BASP1: variants seen among roughly 807,000 people sequenced by gnomAD.
The protein encoded by BASP1 is brain acid soluble protein 1.
In BASP1, 1 loss-of-function variant was observed where a neutral mutation model predicts 2.2. The ratio of observed to expected loss-of-function variants is 0.46; its 90% CI spans 0.16 to 2.17. The LOEUF is 2.17. Ranked by LOEUF, BASP1 falls within the 30% of genes most tolerant of loss-of-function variation. BASP1 has a pLI of 0.27. For missense variants in BASP1, 352 were observed against 327.2 expected (o/e 1.08, Z -0.58); for synonymous variants, 187 against 154.2 (o/e 1.21, Z -1.58).
rs1185774625 is a variant in BASP1 at position 17,275,567 on chromosome 5, C to T, written c.351C>T (p.Gly117=). Residue 117 remains glycine (G), a synonymous_variant, in exon 2 of 2, where the codon GGC becomes GGT. Coordinates refer to ENST00000322611, the MANE Select transcript of BASP1 (RefSeq NM_006317.5). This position sits in a 1 kb window ranked among gnomAD's most constrained non-coding sequence, Gnocchi z 5.3. ...EQAAPGPAAG[G]EAPKAAEAAA... ...CGGCCCCCGGCCCCGCTGCGGGCGGCGAGGCCCCCAAAGCTGCTGAGGCCG... is the reference window on the plus strand; with the variant it reads ...CGGCCCCCGGCCCCGCTGCGGGCGGTGAGGCCCCCAAAGCTGCTGAGGCCG... 6 of 1,394,388 alleles carry T rather than the reference C, an allele frequency of 4.3e-6. No homozygotes were observed. Among genetic ancestry groups the T allele is most frequent in the Non-Finnish European group, 5.6e-6 (6 of 1,078,588 alleles). 86.4% of individuals were successfully genotyped at this position (1,394,388 alleles called of 1,614,324 possible).
In BASP1 at chr5:17,276,514, A is replaced by AT. The variant is rs1323878550; in HGVS notation, c.*619dup. 1 of 164,882 alleles carries AT rather than the reference A, an allele frequency of 6.1e-6. No homozygotes were observed. The highest frequency in any genetic ancestry group is 2.0e-4 in the East Asian group (1 of 5,080). 10.2% of individuals were successfully genotyped at this position (164,882 alleles called of 1,614,324 possible). A position where few individuals can be genotyped will look rare whatever the true frequency, so the allele number is the denominator to read the frequency against. ...AATCCTCCATTCTTCCTCTCCAGAT[A>AT]TTTTTGGGAGTGACAAACATTCTCT... is the stretch of plus-strand genomic sequence containing the variant. On this transcript the variant is annotated 3_prime_UTR_variant, in exon 2 of 2. Transcript: ENST00000322611.
At position 17,223,874 on chromosome 5, in the gene BASP1, T is replaced by C. The variant is rs1048337375; in HGVS notation, c.-10+6064T>C. 3.9e-5 allele frequency among the ~76,000 whole-genome samples: 6 copies of C among 152,334 alleles called. No homozygotes were observed. The South Asian group carries it at 6.2e-4, about 16-fold the overall frequency. On this transcript the variant is annotated intron_variant, in intron 1 of 1. Transcript: ENST00000322611. ...GATAAGCCAACTTAGGTATTTTACA[T>C]TCCATATTATTCCCACTACCTCCAC... is the stretch of plus-strand genomic sequence containing the variant.
intron 1 of BASP1, among the ~76,000 whole-genome samples, chr5:17,218,474 C>T (rs1354033993): frequency 6.6e-6 from 1 of 152,136 alleles, no homozygotes; most frequent in African/African-American, 2.4e-5. Context: ...AGATCGGAGC[C>T]CCAGCCTCGT....
intron 1 of BASP1, among the ~76,000 whole-genome samples, chr5:17,220,280 C>A (rs1739371297): frequency 6.6e-6 from 1 of 152,020 alleles, no homozygotes; most frequent in South Asian, 2.1e-4. Flanking sequence ...TGGATTGTAC[C>A]CTCTGTACTC....
Position 17,276,062 on chromosome 5 carries a change from A to C in BASP1, c.*162A>C. The C allele has an allele frequency of 3.1e-6, 1 of 320,864 alleles. No homozygotes were observed. The allele number at this position is 320,864 out of a possible 1,614,324, so 19.9% of individuals were successfully genotyped here. On this transcript the variant is annotated 3_prime_UTR_variant, in exon 2 of 2. Transcript: ENST00000322611. Reference sequence around the variant, plus strand: ...CTTGTTTCAAATTGGAAGTAATGATATGTATTGCCCAAGGAAAAATACAGG... The same window carrying C: ...CTTGTTTCAAATTGGAAGTAATGATCTGTATTGCCCAAGGAAAAATACAGG...
At chr5:17,270,481 T>G (rs560890212) in intron 1 of BASP1, among the ~76,000 whole-genome samples, 9 of 152,362 alleles carry the variant, frequency 5.9e-5, no homozygotes, top group African/African-American at 2.2e-4. Context: ...AGCGAAGAAG[T>G]AGAGATTTTA....
At chr5:17,244,182 G>A (rs1739930284) in intron 1 of BASP1, among the ~76,000 whole-genome samples, 1 of 152,132 alleles carries the variant, frequency 6.6e-6, no homozygotes, top group South Asian at 2.1e-4. Context: ...TAAGTGAAAG[G>A]TGGCTTTAAC....
rs1739741695 is a variant in BASP1, at chr5:17,236,191, G to A, written c.-10+18381G>A. Among the ~76,000 whole-genome samples, 1 of 152,180 alleles carries A rather than the reference G, an allele frequency of 6.6e-6. No homozygotes were observed. Among genetic ancestry groups the A allele is most frequent in the African/African-American group, 2.4e-5 (1 of 41,442 alleles). ...TACCTTGGGGGAGAAAAGCAAAAAT[G>A]ATTTCTTATTACACGTATTTAAACC... is the stretch of plus-strand genomic sequence containing the variant. On this transcript the variant is annotated intron_variant, in intron 1 of 1. Coordinates refer to ENST00000322611, the MANE Select transcript of BASP1 (RefSeq NM_006317.5). The surrounding 1 kb of genome is among the most constrained non-coding windows in gnomAD (Gnocchi z 4.0).
intron 1 of BASP1, among the ~76,000 whole-genome samples, chr5:17,273,246 T>C (rs1347152183): frequency 3.9e-5 from 6 of 152,246 alleles, no homozygotes; most frequent in Non-Finnish European, 8.8e-5. Context: ...TATTTTCATG[T>C]ACTGCTCTGT....
chr5:17,247,030 T>A (rs1251111958), intron 1 of BASP1, among the ~76,000 whole-genome samples: 2 of 151,754 alleles, frequency 1.3e-5, no homozygotes, highest in African/African-American at 4.9e-5. Context: ...CTACAAAAAA[T>A]ACAAAAAATA....
chr5:17,233,805 G>C, intron 1 of BASP1, among the ~76,000 whole-genome samples: 1 of 150,726 alleles, frequency 6.6e-6, no homozygotes, highest in Admixed American at 6.6e-5. Flanking sequence ...ATTTGCTAGT[G>C]ATGGTGATGG....
At chr5:17,249,623 G>T (rs992189726) in intron 1 of BASP1, among the ~76,000 whole-genome samples, 6 of 151,930 alleles carry the variant, frequency 3.9e-5, no homozygotes, top group Non-Finnish European at 8.8e-5. Context: ...AAATAAAATA[G>T]TGCCACCAAA....
intron 1 of BASP1, among the ~76,000 whole-genome samples, chr5:17,274,735 A>C (rs1740593209): frequency 4.6e-5 from 7 of 152,192 alleles, no homozygotes; most frequent in Admixed American, 4.6e-4. Context: ...TGAGCTCCTT[A>C]ATTTCTTTTC....
intron 1 of BASP1, among the ~76,000 whole-genome samples, chr5:17,237,210 G>A (rs997625059): frequency 1.3e-5 from 2 of 152,168 alleles, no homozygotes; most frequent in Non-Finnish European, 1.5e-5. Flanking sequence ...TGGGCGTGGT[G>A]GTGGGCGCCT....
At chr5:17,256,281 T>C (rs537967287) in intron 1 of BASP1, among the ~76,000 whole-genome samples, 1 of 152,362 alleles carries the variant, frequency 6.6e-6, no homozygotes, top group South Asian at 2.1e-4. Flanking sequence ...TTGTTAAAAT[T>C]GTTTAAGGCC....
chr5:17,219,255 C>A (rs537066345), intron 1 of BASP1, among the ~76,000 whole-genome samples: 9 of 152,292 alleles, frequency 5.9e-5, no homozygotes, highest in African/African-American at 2.2e-4. Flanking sequence ...GCAGCCCCAT[C>A]CCATCTCCAT....
chr5:17,254,759 T>G (rs1411352400), intron 1 of BASP1, among the ~76,000 whole-genome samples: 4 of 152,218 alleles, frequency 2.6e-5, no homozygotes, highest in Non-Finnish European at 5.9e-5. Flanking sequence ...TGCTTAGGAC[T>G]GATCCGAAGA....
At chr5:17,241,634 G>A (rs969468254) in intron 1 of BASP1, among the ~76,000 whole-genome samples, 1 of 152,174 alleles carries the variant, frequency 6.6e-6, no homozygotes, top group African/African-American at 2.4e-5. Flanking sequence ...TTCTTTAAGT[G>A]CTGTATATTT....
chr5:17,263,373 G>A (rs1740357157), intron 1 of BASP1, among the ~76,000 whole-genome samples: 1 of 151,820 alleles, frequency 6.6e-6, no homozygotes, highest in South Asian at 2.1e-4. Flanking sequence ...GGGCTCAAGT[G>A]ATCCTCTTGC....
Sources: allele counts gnomAD v4.1 joint callset (sites outside exome capture counted in the v4.1 genomes callset), GRCh38; gene constraint gnomAD v4.1.1; non-coding constraint Gnocchi (gnomAD v3.1); transcripts MANE v1.5; gene names NCBI Gene and HGNC (gene_info 2026-07-23, HGNC 2026-07-21).